Variants in SERPINI1 observed in about 807,000 individuals in gnomAD.
SERPINI1 encodes serpin family I member 1.
SERPINI1 carries 19 observed loss-of-function variants against 41.1 expected under a neutral mutation model. That is an observed-to-expected ratio of 0.46 (90% confidence interval 0.32 to 0.68). The LOEUF (loss-of-function observed/expected upper bound fraction) is 0.68. SERPINI1 is among the 30% of genes least tolerant of loss of function. The probability of loss-of-function intolerance (pLI) is 0.03; values close to 1 mark genes in which losing one functional copy is unlikely to be tolerated. For missense variants in SERPINI1, 460 were observed against 479.2 expected (o/e 0.96, Z 0.37); for synonymous variants, 138 against 156.6 (o/e 0.88, Z 0.89).
In SERPINI1 at chr3:167,794,798, GC is replaced by G; in HGVS notation, c.856del (p.Gln286LysfsTer3). The G allele has an allele frequency of 6.2e-7, 1 of 1,613,406 alleles. No homozygotes were observed. The highest frequency in any genetic ancestry group is 8.5e-7 in the Non-Finnish European group (1 of 1,179,762). On this transcript the variant is annotated frameshift_variant, in exon 5 of 9. Coordinates refer to ENST00000446050, the MANE Select transcript of SERPINI1 (RefSeq NM_001122752.2). LOFTEE classifies it high-confidence loss of function. ...AAGAATGGGCAAACTCTGTGAAGAA[GC>G]AAAAAGTAGAAGTATACCTGCCCAG... ...VEEWANSVKKQKVEVYLPRFT... is the reference protein window; with the variant it reads ...VEEWANSVKKXKVEVYLPRFT...
chr3:167,759,400 G>GTGTATGTATATATATATATATA (rs964402772), intron 1 of SERPINI1, among the ~76,000 whole-genome samples: 5 of 121,164 alleles, frequency 4.1e-5, no homozygotes, highest in African/African-American at 1.5e-4. Flanking sequence ...AGAAAATGTG[G>GTGTATGTATATATATATATATA]TATATATATA....
chr3:167,764,391 G>A lies in SERPINI1; in HGVS notation c.-18-24720G>A, dbSNP rs571925481. Among the ~76,000 whole-genome samples the A allele has an allele frequency of 3.4e-4, 52 of 152,254 alleles. No individual in the cohort carries two copies. The South Asian group carries it at 8.3e-3, about 24-fold the overall frequency. Reference sequence around the variant, plus strand: ...GAGCAAGTCATATCTTACATGGATGGCAGCAGGCAGAGAGAGAGAGCTTGT... The same window carrying A: ...GAGCAAGTCATATCTTACATGGATGACAGCAGGCAGAGAGAGAGAGCTTGT... On this transcript the variant is annotated intron_variant, in intron 1 of 8. Transcript: ENST00000446050.
intron 1 of SERPINI1, among the ~76,000 whole-genome samples, chr3:167,756,911 C>G (rs1042849530): frequency 6.6e-6 from 1 of 152,164 alleles, no homozygotes; most frequent in Non-Finnish European, 1.5e-5. Flanking sequence ...TGTCACAAGT[C>G]TAAGCCACCA....
At chr3:167,803,408 C>T (rs976090007) in intron 5 of SERPINI1, among the ~76,000 whole-genome samples, 5 of 151,938 alleles carry the variant, frequency 3.3e-5, no homozygotes, top group African/African-American at 4.8e-5. Context: ...TGCAAACATA[C>T]GACACCCTAA....
intron 6 of SERPINI1, among the ~76,000 whole-genome samples, chr3:167,812,339 A>G (rs944943078): frequency 1.4e-4 from 21 of 152,172 alleles, no homozygotes; most frequent in African/African-American, 5.1e-4. Context: ...GGTTGATTCC[A>G]TATACACAAC....
intron 6 of SERPINI1, among the ~76,000 whole-genome samples, chr3:167,813,925 A>G (rs1254454540): frequency 1.3e-5 from 2 of 152,074 alleles, no homozygotes; most frequent in African/African-American, 2.4e-5. Flanking sequence ...TGGGTCCTTA[A>G]GCATGCCCAG....
chr3:167,778,144 A>G (rs1447471353), intron 1 of SERPINI1, among the ~76,000 whole-genome samples: 1 of 152,222 alleles, frequency 6.6e-6, no homozygotes, highest in East Asian at 1.9e-4. Context: ...AAACAGACTA[A>G]GACAACTTGT....
At chr3:167,820,816 C>A (rs959886030) in intron 6 of SERPINI1, among the ~76,000 whole-genome samples, 1 of 152,196 alleles carries the variant, frequency 6.6e-6, no homozygotes, top group South Asian at 2.1e-4. Flanking sequence ...TGACCTGAGG[C>A]CTGGGGTCCA....
chr3:167,770,735 A>G (rs1312250169), intron 1 of SERPINI1, among the ~76,000 whole-genome samples: 2 of 152,140 alleles, frequency 1.3e-5, no homozygotes, highest in East Asian at 1.9e-4. Context: ...GACTTTTACA[A>G]TTTGTTTCAA....
intron 1 of SERPINI1, among the ~76,000 whole-genome samples, chr3:167,775,633 C>A (rs13073396): frequency 0.13 from 19,483 of 151,974 alleles, 1,518 homozygotes; most frequent in African/African-American, 0.21. Flanking sequence ...AAATTAGAAA[C>A]TGTAATATGT....
chr3:167,808,904 T>C (rs1276646010), intron 6 of SERPINI1, among the ~76,000 whole-genome samples: 1 of 152,172 alleles, frequency 6.6e-6, no homozygotes, highest in African/African-American at 2.4e-5. Context: ...TCCTCCCAGA[T>C]TTAGGATTGA....
At chr3:167,791,862 G>A (rs1241850548) in intron 3 of SERPINI1, among the ~76,000 whole-genome samples, 1 of 152,172 alleles carries the variant, frequency 6.6e-6, no homozygotes, top group Admixed American at 6.5e-5. Flanking sequence ...AGTGGCTCAT[G>A]CCCTGTAATC....
rs564369113 is a variant in SERPINI1 at position 167,745,743 on chromosome 3, C to T, written c.-19+9920C>T. On this transcript the variant is annotated intron_variant, in intron 1 of 8. Coordinates refer to ENST00000446050, the MANE Select transcript of SERPINI1 (RefSeq NM_001122752.2). The stretch of plus-strand genomic sequence containing the variant: ...AGGATAGAAGATCGATATAAAGAAA[C>T]TAATTGTATTTTTATACACTAACAG... 2.9e-4 allele frequency among the ~76,000 whole-genome samples: 44 copies of T among 152,056 alleles called. 1 individual carries two copies. The South Asian group carries it at 7.9e-3, about 27-fold the overall frequency.
In SERPINI1 at chr3:167,825,363, A is replaced by G. The variant is rs1712484115; in HGVS notation, c.*40A>G. On this transcript the variant is annotated 3_prime_UTR_variant, in exon 9 of 9. Coordinates refer to ENST00000446050, the MANE Select transcript of SERPINI1 (RefSeq NM_001122752.2). ...ATAACAAGGAAAACAGTAACTAAGC[A>G]CATTATGTTTGCAACTGGTATATAT... The G allele has an allele frequency of 5.4e-6, 7 of 1,286,916 alleles. No individual in the cohort carries two copies. Among genetic ancestry groups the G allele is most frequent in the Non-Finnish European group, 7.9e-6 (7 of 881,410 alleles). 79.7% of individuals were successfully genotyped at this position (1,286,916 alleles called of 1,614,324 possible).
chr3:167,745,581 A>G (rs1275267837), intron 1 of SERPINI1, among the ~76,000 whole-genome samples: 3 of 152,072 alleles, frequency 2.0e-5, no homozygotes, highest in Non-Finnish European at 4.4e-5. Context: ...AAATTAGGCA[A>G]GAAAAATAAA....
intron 1 of SERPINI1, among the ~76,000 whole-genome samples, chr3:167,784,371 T>C (rs1243750777): frequency 2.6e-5 from 4 of 152,212 alleles, no homozygotes; most frequent in African/African-American, 9.6e-5. Flanking sequence ...CCTGTCCTTA[T>C]AAATTTTGAT....
At chr3:167,767,843 C>T (rs1425630093) in intron 1 of SERPINI1, among the ~76,000 whole-genome samples, 1 of 152,108 alleles carries the variant, frequency 6.6e-6, no homozygotes, top group Non-Finnish European at 1.5e-5. Context: ...TGAATTTCTG[C>T]AATCTCATGA....
chr3:167,799,266 C>T (rs1167970257), intron 5 of SERPINI1, among the ~76,000 whole-genome samples: 1 of 152,164 alleles, frequency 6.6e-6, no homozygotes, highest in African/African-American at 2.4e-5. Context: ...TTGTTCAACT[C>T]CCACTTGTGA....
intron 1 of SERPINI1, among the ~76,000 whole-genome samples, chr3:167,747,468 C>G (rs1725893922): frequency 6.6e-6 from 1 of 152,262 alleles, no homozygotes. Context: ...CACGGTGAAA[C>G]TCTGTTTCTA....
Sources: allele counts gnomAD v4.1 joint callset (sites outside exome capture counted in the v4.1 genomes callset), GRCh38; gene constraint gnomAD v4.1.1; transcripts MANE v1.5; gene names NCBI Gene and HGNC (gene_info 2026-07-23, HGNC 2026-07-21).